Variants in ZNF780B observed in about 807,000 individuals in gnomAD.
ZNF780B encodes zinc finger protein 779.
Under a neutral mutation model 74.1 loss-of-function variants are expected in ZNF780B, and 52 were observed. The observed-to-expected ratio is 0.70, with a 90% CI of 0.56 to 0.88. The LOEUF (loss-of-function observed/expected upper bound fraction) is 0.88. Among genes scored for constraint, ZNF780B ranks in the 40% least tolerant of loss-of-function variants. The pLI is 0.00. For synonymous variants in ZNF780B, 315 were observed against 324.3 expected, an observed-to-expected ratio of 0.97 and a Z score of 0.31; for missense variants, 953 against 1,007.6, an observed-to-expected ratio of 0.95 and a Z score of 0.73.
At position 40,035,641 on chromosome 19, in the gene ZNF780B, T is replaced by C. The variant is rs1240858170; in HGVS notation, c.1218A>G (p.Gln406=). 1.9e-6 allele frequency: 3 copies of C among 1,613,762 alleles called. No homozygotes were observed. The part of the protein sequence containing the change: ...KSFNRSSNLI[Q]HQSIHADVKP... ...TTACATCAGCATGAATACTCTGGTGTTGAATAAGGTTTGAACTACGATTAA... is the reference window on the plus strand; with the variant it reads ...TTACATCAGCATGAATACTCTGGTGCTGAATAAGGTTTGAACTACGATTAA... Residue 406 remains glutamine (Q), a synonymous_variant, in exon 5 of 5, where the codon CAA becomes CAG. Transcript: ENST00000434248.
intron 4 of ZNF780B, among the ~76,000 whole-genome samples, chr19:40,045,197 GGCAAATATTATTAGA>G (rs796631589): frequency 1.5e-4 from 23 of 152,206 alleles, no homozygotes; most frequent in African/African-American, 5.3e-4. Context: ...AGATATATAA[GGCAAATATTATTAGA>G]GCAAAAGGGA....
intron 4 of ZNF780B, among the ~76,000 whole-genome samples, chr19:40,037,089 AT>A: frequency 6.6e-6 from 1 of 151,744 alleles, no homozygotes. Flanking sequence ...TAATTTTGGT[AT>A]TTTTAGTAGA....
In ZNF780B at chr19:40,032,127, C is replaced by G. The variant is rs932263415; in HGVS notation, c.*2230G>C. On this transcript the variant is annotated 3_prime_UTR_variant, in exon 5 of 5. Coordinates refer to ENST00000434248, the MANE Select transcript of ZNF780B (RefSeq NM_001005851.3). The stretch of plus-strand genomic sequence containing the variant: ...GAAAGAAATCTAAACACATAGCCAA[C>G]AACATTTCTGGGCTACTCAAAATTC... 2.2e-6 allele frequency: 1 copy of G among 445,242 alleles called. No homozygotes were observed. Among genetic ancestry groups the G allele is most frequent in the East Asian group, 7.0e-5 (1 of 14,350 alleles). The allele number at this position is 445,242 out of a possible 1,614,324, so 27.6% of individuals were successfully genotyped here.
Position 40,033,896 on chromosome 19 carries a change from G to A in ZNF780B, c.*461C>T. On this transcript the variant is annotated 3_prime_UTR_variant, in exon 5 of 5. Coordinates refer to ENST00000434248, the MANE Select transcript of ZNF780B (RefSeq NM_001005851.3). ...TTTTAACATGTTGAACAAGGCTCGA[G>A]CTACAAGTAAAGGTCTTTCCACATT... 5.5e-6 allele frequency: 1 copy of A among 181,292 alleles called. No individual in the cohort carries two copies. The highest frequency in any genetic ancestry group is 1.2e-5 in the Non-Finnish European group (1 of 84,150). 11.2% of individuals were successfully genotyped at this position (181,292 alleles called of 1,614,324 possible).
intron 4 of ZNF780B, among the ~76,000 whole-genome samples, chr19:40,047,038 A>G (rs1972963109): frequency 6.6e-6 from 1 of 152,242 alleles, no homozygotes; most frequent in Non-Finnish European, 1.5e-5. Flanking sequence ...CAAGAGTTCA[A>G]GATCAGCTGG....
At chr19:40,047,854 ATAC>A (rs1221683306) in intron 3 of ZNF780B, among the ~76,000 whole-genome samples, 1 of 152,170 alleles carries the variant, frequency 6.6e-6, no homozygotes, top group Admixed American at 6.5e-5. Flanking sequence ...TATAGGATTG[ATAC>A]TAATATTAAA....
intron 2 of ZNF780B, 25 bp from the exon 3 acceptor site, chr19:40,048,821 T>G: frequency 6.2e-7 from 1 of 1,612,040 alleles, no homozygotes; most frequent in Non-Finnish European, 8.5e-7. Flanking sequence ...ACATGGATTA[T>G]GGTGAAATTG....
chr19:40,040,687 T>G (rs1271574661), intron 4 of ZNF780B, among the ~76,000 whole-genome samples: 1 of 152,170 alleles, frequency 6.6e-6, no homozygotes, highest in East Asian at 1.9e-4. Flanking sequence ...GATTTTCTAG[T>G]TTATTTGTGT....
intron 4 of ZNF780B, among the ~76,000 whole-genome samples, chr19:40,041,822 C>T (rs1384685143): frequency 6.6e-6 from 1 of 152,068 alleles, no homozygotes; most frequent in African/African-American, 2.4e-5. Context: ...GGTGGGTTTC[C>T]TGAATACAGC....
rs1972172037 is a variant in ZNF780B, at chr19:40,034,866, C to T, written c.1993G>A (p.Gly665Ser). The T allele has an allele frequency of 6.2e-7, 1 of 1,613,826 alleles. No homozygotes were observed. The highest frequency in any genetic ancestry group is 8.5e-7 in the Non-Finnish European group (1 of 1,179,990). ...TCCTTACATTCATATGGTTTTACACCAGCATGAATACTCTGATGTTGAACA... is the reference window on the plus strand; with the variant it reads ...TCCTTACATTCATATGGTTTTACACTAGCATGAATACTCTGATGTTGAACA... ...NLVQHQSIHA[G>S]VKPYECKECG... The change falls in exon 5 of 5, where the codon GGT becomes AGT. Residue 665 changes from glycine to serine, a missense_variant. Transcript: ENST00000434248.
rs1458119080 is a variant in ZNF780B at position 40,034,514 on chromosome 19, T to C, written c.2345A>G (p.Glu782Gly). The C allele has an allele frequency of 6.2e-7, 1 of 1,613,866 alleles. No homozygotes were observed. The highest frequency in any genetic ancestry group is 8.5e-7 in the Non-Finnish European group (1 of 1,179,958). The part of the protein sequence containing the change: ...QSIHTGEKPY[E>G]CKECGKAFRL... Reference sequence around the variant, plus strand: ...AAAAGCCTTCCCACACTCCTTACATTCATAGGGTTTCTCACCAGTATGAAT... The same window carrying C: ...AAAAGCCTTCCCACACTCCTTACATCCATAGGGTTTCTCACCAGTATGAAT... Residue 782 changes from glutamate (E) to glycine (G), a missense_variant, in exon 5 of 5, where the codon GAA becomes GGA. Transcript: ENST00000434248.
At position 40,030,446 on chromosome 19, in the gene ZNF780B, A is replaced by G. The variant is rs1971967236; in HGVS notation, c.*3911T>C. The G allele has an allele frequency of 1.3e-5, 2 of 152,098 alleles. No homozygotes were observed. Among genetic ancestry groups the G allele is most frequent in the African/African-American group, 4.8e-5 (2 of 41,386 alleles). 9.4% of individuals were successfully genotyped at this position (152,098 alleles called of 1,614,324 possible). ...ACCCACACACCTCCCATTAGGCCCC[A>G]CCTCCAACATTGGGATCAAACTTCA... On this transcript the variant is annotated 3_prime_UTR_variant, in exon 5 of 5. Coordinates refer to ENST00000434248, the MANE Select transcript of ZNF780B (RefSeq NM_001005851.3).
At chr19:40,047,306 C>T in intron 4 of ZNF780B, 69 bp downstream of exon 4, 1 of 1,357,136 alleles carries the variant, frequency 7.4e-7, no homozygotes, top group Non-Finnish European at 1.1e-6. Context: ...AGGGGTGTGA[C>T]TCCTCTCTGA....
rs1972024352 is a variant in ZNF780B, at chr19:40,031,990, C to T, written c.*2367G>A. 1 of 443,656 alleles carries T rather than the reference C, an allele frequency of 2.3e-6. No homozygotes were observed. The highest frequency in any genetic ancestry group is 4.5e-6 in the Non-Finnish European group (1 of 223,240). The allele number at this position is 443,656 out of a possible 1,614,324, so 27.5% of individuals were successfully genotyped here. ...ACAGTACAATATGACATAGAAATAA[C>T]CTACAAAGTATTCTTCCCCAAAACG... On this transcript the variant is annotated 3_prime_UTR_variant, in exon 5 of 5. Coordinates refer to ENST00000434248, the MANE Select transcript of ZNF780B (RefSeq NM_001005851.3).
At chr19:40,047,314 T>C (rs1039962495) in intron 4 of ZNF780B, 61 bp downstream of exon 4, 1 of 1,437,442 alleles carries the variant, frequency 7.0e-7, no homozygotes. Flanking sequence ...GACTCCTCTC[T>C]GAGCACATGG....
Position 40,030,915 on chromosome 19 carries a change from G to C in ZNF780B, c.*3442C>G, listed in dbSNP as rs1214752970. 1 of 152,138 alleles carries C rather than the reference G, an allele frequency of 6.6e-6. No individual in the cohort carries two copies. The highest frequency in any genetic ancestry group is 6.5e-5 in the Admixed American group (1 of 15,278). The allele number at this position is 152,138 out of a possible 1,614,324, so 9.4% of individuals were successfully genotyped here. A position where few individuals can be genotyped will look rare whatever the true frequency, so the allele number is the denominator to read the frequency against. On this transcript the variant is annotated 3_prime_UTR_variant, in exon 5 of 5. Transcript: ENST00000434248. ...AAAAATAGGAACATAAGATTTGAAA[G>C]CCAAGTTTTATATAATCTTGTTTTA...
intron 2 of ZNF780B, 35 bp downstream of exon 2, chr19:40,050,289 C>A: frequency 6.3e-7 from 1 of 1,592,510 alleles, no homozygotes; most frequent in South Asian, 1.1e-5. Context: ...ACCTGAAAGT[C>A]ACCATATTTC....
intron 1 of ZNF780B, 110 bp from the exon 2 acceptor site, chr19:40,050,487 C>CG (rs1260930338): frequency 2.0e-5 from 22 of 1,073,538 alleles, no homozygotes; most frequent in Non-Finnish European, 2.8e-5. Flanking sequence ...CCTGCTCACA[C>CG]GCACACTTCC....
In ZNF780B at chr19:40,028,848, T is replaced by C. The variant is rs1038547426; in HGVS notation, c.*5509A>G. On this transcript the variant is annotated 3_prime_UTR_variant, in exon 5 of 5. Coordinates refer to ENST00000434248, the MANE Select transcript of ZNF780B (RefSeq NM_001005851.3). ...CCAGATTTCTCAAATATTAATATAT[T>C]AAGCTAGTTTGTTTTAAGAGGTTTC... The C allele has an allele frequency of 6.6e-6, 1 of 152,220 alleles. No individual in the cohort carries two copies. The highest frequency in any genetic ancestry group is 1.5e-5 in the Non-Finnish European group (1 of 68,036). 9.4% of individuals were successfully genotyped at this position (152,220 alleles called of 1,614,324 possible). A position where few individuals can be genotyped will look rare whatever the true frequency, so the allele number is the denominator to read the frequency against.
Sources: gnomAD v4.1 joint callset for allele counts (sites outside exome capture counted in the v4.1 genomes callset) on GRCh38, gnomAD v4.1.1 for gene constraint, MANE v1.5 for transcripts, NCBI Gene and HGNC (gene_info 2026-07-23, HGNC 2026-07-21) for gene names.